Variants in SLC38A11 observed in about 807,000 individuals in gnomAD.
SLC38A11 encodes putative sodium-coupled neutral amino acid transporter 11.
A neutral mutation model predicts 49.4 loss-of-function variants in SLC38A11; 51 were observed. The observed-to-expected ratio is 1.03, with a 90% CI of 0.83 to 1.30. The LOEUF is 1.30. Ranked by LOEUF, SLC38A11 falls within the 50% of genes most tolerant of loss-of-function variation. The pLI is 0.00. For synonymous variants in SLC38A11, 203 were observed against 192.9 expected (o/e 1.05, Z -0.43); for missense variants, 574 against 556.2 (o/e 1.03, Z -0.32).
At position 164,916,612 on chromosome 2, in the gene SLC38A11, T is replaced by C. The variant is rs55889443; in HGVS notation, c.618-639A>G. On this transcript the variant is annotated intron_variant, in intron 7 of 11. Coordinates refer to ENST00000685975, the MANE Select transcript of SLC38A11 (RefSeq NM_001351537.2). ...AATAATTAGTGAAGAAGTTGAGATTTATCTTCCTGGTTTATTCACTCCCAT... is the reference window on the plus strand; with the variant it reads ...AATAATTAGTGAAGAAGTTGAGATTCATCTTCCTGGTTTATTCACTCCCAT... 2.8e-3 allele frequency among the ~76,000 whole-genome samples: 421 copies of C among 152,270 alleles called. 4 individuals carry two copies. Among genetic ancestry groups the C allele is most frequent in the African/African-American group, 9.6e-3 (401 of 41,566 alleles).
intron 3 of SLC38A11, among the ~76,000 whole-genome samples, chr2:164,946,456 C>T (rs948021279): frequency 6.6e-6 from 1 of 150,438 alleles, no homozygotes; most frequent in African/African-American, 2.5e-5. Context: ...GTCCCAGCTA[C>T]TTGGGAGGCT....
intron 3 of SLC38A11, among the ~76,000 whole-genome samples, chr2:164,950,791 C>G (rs1688469334): frequency 6.6e-6 from 1 of 152,018 alleles, no homozygotes; most frequent in South Asian, 2.1e-4. Context: ...CTGAACATAC[C>G]TCATTAGTGG....
chr2:164,952,961 G>T, intron 2 of SLC38A11, 180 bp from the exon 3 acceptor site: 3 of 539,734 alleles, frequency 5.6e-6, no homozygotes, highest in Non-Finnish European at 9.8e-6. Flanking sequence ...ACTTATTTCA[G>T]AATAAAATGT....
chr2:164,924,487 T>C (rs192571042), intron 7 of SLC38A11, among the ~76,000 whole-genome samples: 1 of 152,316 alleles, frequency 6.6e-6, no homozygotes, highest in East Asian at 1.9e-4. Flanking sequence ...CCTGCACCTG[T>C]ATCCCCTGAA....
At chr2:164,932,200 C>T (rs966443548) in intron 7 of SLC38A11, among the ~76,000 whole-genome samples, 1 of 152,048 alleles carries the variant, frequency 6.6e-6, no homozygotes, top group African/African-American at 2.4e-5. Flanking sequence ...GAATCAAAAC[C>T]ACAATGACAT....
chr2:164,942,449 A>T (rs1687844993), intron 5 of SLC38A11, among the ~76,000 whole-genome samples: 1 of 148,048 alleles, frequency 6.8e-6, no homozygotes, highest in African/African-American at 2.5e-5. Context: ...AAAAAAAAAC[A>T]AAAACAGAGA....
At chr2:164,948,391 A>G (rs1050075466) in intron 3 of SLC38A11, among the ~76,000 whole-genome samples, 1 of 152,204 alleles carries the variant, frequency 6.6e-6, no homozygotes, top group African/African-American at 2.4e-5. Flanking sequence ...AATACTAATT[A>G]TTTTTAATCT....
Position 164,915,172 on chromosome 2 carries a change from C to A in SLC38A11, c.790G>T (p.Val264Leu). 6.2e-7 allele frequency: 1 copy of A among 1,612,294 alleles called. No individual in the cohort carries two copies. Among genetic ancestry groups the A allele is most frequent in the Non-Finnish European group, 8.5e-7 (1 of 1,178,940 alleles). ...GTAGCAAAGAATATACAGATAAATA[C>A]AGAAATCACGATGGACATATGGATA... ...RLIHMSIVISVFICIFFATCG... is the reference protein window; with the variant it reads ...RLIHMSIVISLFICIFFATCG... Residue 264 changes from valine (V) to leucine (L), a missense_variant, in exon 9 of 12, where the codon GTA becomes TTA. By Grantham distance (32) the Val-to-Leu change is conservative. Coordinates refer to ENST00000685975, the MANE Select transcript of SLC38A11 (RefSeq NM_001351537.2).
chr2:164,937,261 G>A, intron 7 of SLC38A11, 89 bp downstream of exon 7: 1 of 853,532 alleles, frequency 1.2e-6, no homozygotes, highest in South Asian at 1.5e-5. Flanking sequence ...CTGATACCAT[G>A]GTTACTTTAT....
At chr2:164,948,428 T>C (rs1264118369) in intron 3 of SLC38A11, among the ~76,000 whole-genome samples, 2 of 152,206 alleles carry the variant, frequency 1.3e-5, no homozygotes, top group Non-Finnish European at 2.9e-5. Context: ...TAGGTGCTGG[T>C]TATCATGCCC....
At position 164,937,458 on chromosome 2, in the gene SLC38A11, G is replaced by T. The variant is rs17353624; in HGVS notation, c.538-29C>A. 18 of 1,306,662 alleles carry T rather than the reference G, an allele frequency of 1.4e-5. No individual in the cohort carries two copies. The African/African-American group carries it at 2.0e-4, about 15-fold the overall frequency. The allele number at this position is 1,306,662 out of a possible 1,614,324, so 80.9% of individuals were successfully genotyped here. A position where few individuals can be genotyped will look rare whatever the true frequency, so the allele number is the denominator to read the frequency against. ...TAAAAGAAAATACAAGGATATTGCC[G>T]GTTTAGGACAGAAATTATTTTATTT... On this transcript the variant is annotated intron_variant, in intron 6 of 11. Transcript: ENST00000685975.
intron 9 of SLC38A11, among the ~76,000 whole-genome samples, chr2:164,914,044 A>G (rs1685589368): frequency 6.6e-6 from 1 of 152,064 alleles, no homozygotes; most frequent in Admixed American, 6.6e-5. Flanking sequence ...CAACTTTCAG[A>G]GGGTCATGGT....
intron 3 of SLC38A11, among the ~76,000 whole-genome samples, chr2:164,952,028 G>A (rs1473742864): frequency 6.6e-6 from 1 of 152,148 alleles, no homozygotes; most frequent in Non-Finnish European, 1.5e-5. Flanking sequence ...GAGACGCCAT[G>A]TTTGTCATAA....
chr2:164,916,016 A>G, intron 7 of SLC38A11, 43 bp from the exon 8 acceptor site: 1 of 1,363,422 alleles, frequency 7.3e-7, no homozygotes, highest in Non-Finnish European at 1.0e-6. Context: ...TTAAATAAAT[A>G]CAAGCATCAG....
At chr2:164,953,969 G>A (rs955585410) in intron 2 of SLC38A11, among the ~76,000 whole-genome samples, 1 of 151,986 alleles carries the variant, frequency 6.6e-6, no homozygotes, top group East Asian at 1.9e-4. Flanking sequence ...AATTTCCCTT[G>A]CTTCTAATAC....
intron 11 of SLC38A11, among the ~76,000 whole-genome samples, chr2:164,899,304 A>G (rs1381029047): frequency 6.6e-6 from 1 of 152,150 alleles, no homozygotes; most frequent in East Asian, 1.9e-4. Context: ...AAATAAAAGT[A>G]AGCACATTAA....
At chr2:164,950,894 G>GA (rs1421901470) in intron 3 of SLC38A11, among the ~76,000 whole-genome samples, 1 of 151,964 alleles carries the variant, frequency 6.6e-6, no homozygotes, top group Non-Finnish European at 1.5e-5. Flanking sequence ...CCTACATGTA[G>GA]ATTTTGCTCT....
Position 164,898,394 on chromosome 2 carries a change from T to C in SLC38A11, c.*43A>G. ...CTAAAGCAAGCGTAAATGTTATGTG[T>C]TTTAAAGTCTATGAAAACATACATA... On this transcript the variant is annotated 3_prime_UTR_variant, in exon 12 of 12. Coordinates refer to ENST00000685975, the MANE Select transcript of SLC38A11 (RefSeq NM_001351537.2). The C allele has an allele frequency of 2.1e-6, 3 of 1,396,600 alleles. No homozygotes were observed. The highest frequency in any genetic ancestry group is 3.0e-6 in the Non-Finnish European group (3 of 998,852). The allele number at this position is 1,396,600 out of a possible 1,614,324, so 86.5% of individuals were successfully genotyped here. A position where few individuals can be genotyped will look rare whatever the true frequency, so the allele number is the denominator to read the frequency against.
At chr2:164,950,656 T>C (rs879863782) in intron 3 of SLC38A11, among the ~76,000 whole-genome samples, 2 of 152,196 alleles carry the variant, frequency 1.3e-5, no homozygotes, top group Admixed American at 6.5e-5. Context: ...AATTATTTTA[T>C]GTTAATCAAC....
Sources: gnomAD v4.1 joint callset for allele counts (sites outside exome capture counted in the v4.1 genomes callset) on GRCh38, gnomAD v4.1.1 for gene constraint, MANE v1.5 for transcripts, NCBI Gene and HGNC (gene_info 2026-07-23, HGNC 2026-07-21) for gene names.